DSCAM: variants seen among roughly 807,000 people sequenced by gnomAD.
DSCAM encodes cell adhesion molecule DSCAM.
A neutral mutation model predicts 217.7 loss-of-function variants in DSCAM; 47 were observed. The observed-to-expected ratio is 0.22, with a 90% confidence interval of 0.17 to 0.28. DSCAM has a LOEUF of 0.28. Ranked by LOEUF, DSCAM falls within the 10% of genes least tolerant of loss-of-function variation. The pLI is 1.00. For missense variants in DSCAM, 2,080 were observed against 2,618.3 expected (o/e 0.79, Z 4.49); for synonymous variants, 1,056 against 1,015.3 (o/e 1.04, Z -0.76).
intron 31 of DSCAM, among the ~76,000 whole-genome samples, 188 bp from the exon 32 acceptor site, chr21:40,042,861 C>T (rs895221585): frequency 2.6e-5 from 4 of 152,166 alleles, no homozygotes; most frequent in African/African-American, 7.2e-5. Context: ...TCAGCAGATC[C>T]GGTTAAGGGA....
intron 3 of DSCAM, among the ~76,000 whole-genome samples, chr21:40,515,903 T>G (rs2076295569): frequency 6.7e-6 from 1 of 150,052 alleles, no homozygotes; most frequent in Non-Finnish European, 1.5e-5. Flanking sequence ...CTTGGGAACA[T>G]GATATACTTT....
intron 11 of DSCAM, among the ~76,000 whole-genome samples, chr21:40,193,998 T>C (rs759168032): frequency 7.2e-5 from 11 of 152,220 alleles, no homozygotes; most frequent in Non-Finnish European, 1.5e-4. Flanking sequence ...CAGCATTGTT[T>C]TGAGGACTTG....
intron 8 of DSCAM, among the ~76,000 whole-genome samples, chr21:40,313,053 G>A (rs1232210442): frequency 6.6e-6 from 1 of 151,316 alleles, no homozygotes; most frequent in African/African-American, 2.4e-5. Flanking sequence ...GGAGTTCGAG[G>A]CTGCAGTAAG....
At chr21:40,298,684 A>G (rs1311297968) in intron 9 of DSCAM, among the ~76,000 whole-genome samples, 1 of 152,158 alleles carries the variant, frequency 6.6e-6, no homozygotes, top group Non-Finnish European at 1.5e-5. Flanking sequence ...CCATGCCAAA[A>G]TTATTCTCTG....
chr21:40,120,215 G>A (rs1233298482), intron 20 of DSCAM, among the ~76,000 whole-genome samples: 6 of 152,182 alleles, frequency 3.9e-5, no homozygotes, highest in African/African-American at 1.4e-4. Context: ...TACAGGAACT[G>A]AATAACATTA....
At chr21:40,650,869 G>A (rs1017428411) in intron 3 of DSCAM, among the ~76,000 whole-genome samples, 7 of 152,112 alleles carry the variant, frequency 4.6e-5, no homozygotes, top group Admixed American at 2.0e-4. Context: ...AGCTGAGATC[G>A]CACCACTGCA....
intron 3 of DSCAM, among the ~76,000 whole-genome samples, chr21:40,664,470 C>T (rs917635484): frequency 2.0e-5 from 3 of 152,116 alleles, no homozygotes; most frequent in Non-Finnish European, 4.4e-5. Flanking sequence ...AAGAGGAGGC[C>T]CCTGCTCCTG....
At chr21:40,500,776 A>G (rs1023371605) in intron 3 of DSCAM, among the ~76,000 whole-genome samples, 1 of 152,128 alleles carries the variant, frequency 6.6e-6, no homozygotes, top group African/African-American at 2.4e-5. Flanking sequence ...GGTGAAACAA[A>G]ATCAACTCTC....
chr21:40,181,091 C>A (rs900159609), intron 14 of DSCAM, among the ~76,000 whole-genome samples: 1 of 152,148 alleles, frequency 6.6e-6, no homozygotes, highest in African/African-American at 2.4e-5. Context: ...CCCTCCTGTC[C>A]GTGGCCTTCC....
chr21:40,509,615 G>C (rs909412495), intron 3 of DSCAM, among the ~76,000 whole-genome samples: 2 of 152,126 alleles, frequency 1.3e-5, no homozygotes, highest in African/African-American at 4.8e-5. Flanking sequence ...CACAGACATG[G>C]ACCCAGTCAA....
chr21:40,369,382 C>CTGTGTG lies in DSCAM; in HGVS notation c.509-138_509-137insCACACA. On this transcript the variant is annotated intron_variant, in intron 3 of 32. Coordinates refer to ENST00000400454, the MANE Select transcript of DSCAM (RefSeq NM_001389.5). ...AAAGGCTAAAAATGGGTGCGTGCGTCTGCGTGTGTGTGTGTGTGTGTGTGT... is the reference window on the plus strand; with the variant it reads ...AAAGGCTAAAAATGGGTGCGTGCGTCTGTGTGTGCGTGTGTGTGTGTGTGTGTGTGT... The CTGTGTG allele has an allele frequency of 5.7e-5, 29 of 508,686 alleles. 1 individual carries two copies. The highest frequency in any genetic ancestry group is 4.7e-4 in the South Asian group (17 of 36,456). The allele number at this position is 508,686 out of a possible 1,614,324, so 31.5% of individuals were successfully genotyped here.
At position 40,345,795 on chromosome 21, in the gene DSCAM, T is replaced by C. The variant is rs534426745; in HGVS notation, c.1210+1875A>G. Among the ~76,000 whole-genome samples the C allele has an allele frequency of 2.0e-5, 3 of 152,312 alleles. No homozygotes were observed. In the South Asian group the frequency reaches 6.2e-4, roughly 32 times the overall value. Reference sequence around the variant, plus strand: ...GTAATTCCATTTCTGCTTTCTTTGCTACATTAGCACTGTCATCTCTCAGAA... The same window carrying C: ...GTAATTCCATTTCTGCTTTCTTTGCCACATTAGCACTGTCATCTCTCAGAA... On this transcript the variant is annotated intron_variant, in intron 6 of 32. Coordinates refer to ENST00000400454, the MANE Select transcript of DSCAM (RefSeq NM_001389.5).
At chr21:40,530,043 A>G (rs1401168337) in intron 3 of DSCAM, among the ~76,000 whole-genome samples, 2 of 152,222 alleles carry the variant, frequency 1.3e-5, no homozygotes, top group African/African-American at 4.8e-5. Context: ...ATGATGAAAT[A>G]ATAAGAACTG....
intron 1 of DSCAM, among the ~76,000 whole-genome samples, chr21:40,783,374 G>T (rs1168418385): frequency 6.6e-6 from 1 of 152,136 alleles, no homozygotes; most frequent in South Asian, 2.1e-4. Context: ...TGGAAGCCAG[G>T]GATGGGGAGA....
intron 3 of DSCAM, among the ~76,000 whole-genome samples, chr21:40,677,234 A>G (rs1306079280): frequency 2.0e-5 from 3 of 152,186 alleles, no homozygotes; most frequent in African/African-American, 7.2e-5. Flanking sequence ...GTGTGCATAA[A>G]AAGAAGCAGA....
chr21:40,484,220 G>A (rs1353355665), intron 3 of DSCAM, among the ~76,000 whole-genome samples: 3 of 152,134 alleles, frequency 2.0e-5, no homozygotes, highest in Non-Finnish European at 2.9e-5. Context: ...TATATTGTCC[G>A]GCAGAATTGT....
At position 40,349,259 on chromosome 21, in the gene DSCAM, C is replaced by T. The variant is rs145967946; in HGVS notation, c.935-1314G>A. ...ACTGGTGGGTTTGCCCTGGGCCATTCTCACACACATGTATGACATATGTGG... is the reference window on the plus strand; with the variant it reads ...ACTGGTGGGTTTGCCCTGGGCCATTTTCACACACATGTATGACATATGTGG... On this transcript the variant is annotated intron_variant, in intron 5 of 32. Coordinates refer to ENST00000400454, the MANE Select transcript of DSCAM (RefSeq NM_001389.5). Among the ~76,000 whole-genome samples the T allele has an allele frequency of 4.6e-3, 701 of 151,316 alleles. 7 individuals are homozygous for T. Among genetic ancestry groups the T allele is most frequent in the African/African-American group, 0.016 (669 of 41,216 alleles).
rs1410731087 is a variant in DSCAM, at chr21:40,498,725, ATGGGTGTG to A, written c.509-129488_509-129481del. 2.9e-3 allele frequency among the ~76,000 whole-genome samples: 63 copies of A among 21,908 alleles called. 5 individuals are homozygous for A. Among genetic ancestry groups the A allele is most frequent in the African/African-American group, 0.011 (60 of 5,394 alleles). The allele number at this position is 21,908 out of a possible 152,430, so 14.4% of individuals were successfully genotyped here. A position where few individuals can be genotyped will look rare whatever the true frequency, so the allele number is the denominator to read the frequency against. On this transcript the variant is annotated intron_variant, in intron 3 of 32. Coordinates refer to ENST00000400454, the MANE Select transcript of DSCAM (RefSeq NM_001389.5). ...TATATATATATGGGTGTATATATATATGGGTGTGTGTATATATATATATATATATATGG... is the reference window on the plus strand; with the variant it reads ...TATATATATATGGGTGTATATATATATGTATATATATATATATATATATGG...
intron 1 of DSCAM, among the ~76,000 whole-genome samples, chr21:40,842,055 G>GCGA: frequency 6.6e-6 from 1 of 152,350 alleles, no homozygotes; most frequent in East Asian, 1.9e-4. Context: ...TCTGCATGGA[G>GCGA]CAGTCCTCCC....
Sources: gnomAD v4.1 joint callset for allele counts (sites outside exome capture counted in the v4.1 genomes callset) on GRCh38, gnomAD v4.1.1 for gene constraint, MANE v1.5 for transcripts, NCBI Gene and HGNC (gene_info 2026-07-23, HGNC 2026-07-21) for gene names.